CACNB2: variants seen among roughly 807,000 people sequenced by gnomAD.
CACNB2 encodes the protein calcium voltage-gated channel auxiliary subunit beta 2.
Under a neutral mutation model 73.3 loss-of-function variants are expected in CACNB2, and 42 were observed. That is an observed-to-expected ratio of 0.57 (90% CI 0.45 to 0.74). CACNB2 has a LOEUF of 0.74. CACNB2 is among the 30% of genes least tolerant of loss of function. The pLI is 0.00. For missense variants in CACNB2, 940 were observed against 853.0 expected (o/e 1.10, Z -1.27); for synonymous variants, 348 against 310.3 (o/e 1.12, Z -1.28).
intron 3 of CACNB2, among the ~76,000 whole-genome samples, chr10:18,422,047 C>T (rs140956628): frequency 2.0e-5 from 3 of 152,282 alleles, no homozygotes; most frequent in Admixed American, 2.0e-4. Context: ...CAGTGATTAG[C>T]GATTTTGATG....
At chr10:18,347,521 C>G (rs573653865) in intron 2 of CACNB2, among the ~76,000 whole-genome samples, 1 of 151,470 alleles carries the variant, frequency 6.6e-6, no homozygotes, top group African/African-American at 2.4e-5. Flanking sequence ...AGCACTGGCT[C>G]CTTAGTTTTT....
At position 18,233,834 on chromosome 10, in the gene CACNB2, C is replaced by T. The variant is rs371462890; in HGVS notation, c.213+82859C>T. The stretch of plus-strand genomic sequence containing the variant: ...TCCCAAGAGCTTATTTATCAACACA[C>T]GAATAGCCTCTTTTAGGAGGGTCAG... On this transcript the variant is annotated intron_variant, in intron 2 of 13. Coordinates refer to ENST00000324631, the MANE Select transcript of CACNB2 (RefSeq NM_201596.3). Among the ~76,000 whole-genome samples, 7 of 152,256 alleles carry T rather than the reference C, an allele frequency of 4.6e-5. No individual in the cohort carries two copies. In the East Asian group the frequency reaches 9.6e-4, roughly 21 times the overall value.
chr10:18,266,888 C>T (rs565213592), intron 2 of CACNB2, among the ~76,000 whole-genome samples: 58 of 152,050 alleles, frequency 3.8e-4, no homozygotes, highest in African/African-American at 1.4e-3. Context: ...GACTCTATCT[C>T]TAAATAAATA....
intron 3 of CACNB2, among the ~76,000 whole-genome samples, chr10:18,475,030 C>T (rs1308163604): frequency 6.7e-6 from 1 of 150,128 alleles, no homozygotes; most frequent in Non-Finnish European, 1.5e-5. Flanking sequence ...GCTAGAAGGG[C>T]TCATAAAACT....
chr10:18,142,187 A>G (rs1174979376), intron 1 of CACNB2, among the ~76,000 whole-genome samples: 1 of 152,220 alleles, frequency 6.6e-6, no homozygotes, highest in Non-Finnish European at 1.5e-5. Context: ...ACCATTGGGA[A>G]ATTAATGTGC....
At chr10:18,489,321 C>T (rs1006383363) in intron 3 of CACNB2, among the ~76,000 whole-genome samples, 1 of 128,240 alleles carries the variant, frequency 7.8e-6, no homozygotes, top group Admixed American at 9.6e-5. Flanking sequence ...ACCTGGGAGG[C>T]GGTGGTTGCA....
chr10:18,451,947 G>C (rs2047041875), intron 3 of CACNB2, among the ~76,000 whole-genome samples: 1 of 152,156 alleles, frequency 6.6e-6, no homozygotes, highest in African/African-American at 2.4e-5. Context: ...CATAACAGCT[G>C]TATAAATTCA....
chr10:18,214,626 C>CAAAA lies in CACNB2; in HGVS notation c.213+63677_213+63680dup, dbSNP rs751930257. 8.6e-4 allele frequency among the ~76,000 whole-genome samples: 13 copies of CAAAA among 15,104 alleles called. 1 individual carries two copies. Among genetic ancestry groups the CAAAA allele is most frequent in the African/African-American group, 1.4e-3 (13 of 9,248 alleles). The allele number at this position is 15,104 out of a possible 152,430, so 9.9% of individuals were successfully genotyped here. On this transcript the variant is annotated intron_variant, in intron 2 of 13. Transcript: ENST00000324631. ...TGGGCAATGGAGTGAGACTCCATCT[C>CAAAA]AAAAAAAAAAAAAAAAAAAAAAAAA...
rs187119940 is a variant in CACNB2, at chr10:18,191,122, C to G, written c.213+40147C>G. 1.8e-3 allele frequency among the ~76,000 whole-genome samples: 278 copies of G among 152,262 alleles called. 2 individuals are homozygous for G. Among genetic ancestry groups the G allele is most frequent in the Non-Finnish European group, 3.4e-4 (23 of 68,018 alleles). ...GAGAAGGAAAATAAATGGATTCAAA[C>G]AATATTAGGAGGAAGAAACAGACAG... On this transcript the variant is annotated intron_variant, in intron 2 of 13. Transcript: ENST00000324631.
At chr10:18,356,900 G>T (rs2041931033) in intron 2 of CACNB2, among the ~76,000 whole-genome samples, 2 of 150,420 alleles carry the variant, frequency 1.3e-5, no homozygotes, top group Non-Finnish European at 3.0e-5. Flanking sequence ...AAAGTGCTGG[G>T]ATTACAGGCT....
At chr10:18,327,303 A>G (rs1435908809) in intron 2 of CACNB2, among the ~76,000 whole-genome samples, 2 of 152,236 alleles carry the variant, frequency 1.3e-5, no homozygotes, top group Non-Finnish European at 2.9e-5. Flanking sequence ...TAATAAAAAT[A>G]ACATGATTTT....
At chr10:18,193,433 C>A (rs1004580528) in intron 2 of CACNB2, among the ~76,000 whole-genome samples, 1 of 152,106 alleles carries the variant, frequency 6.6e-6, no homozygotes, top group Non-Finnish European at 1.5e-5. Context: ...TTAGGCCATT[C>A]CTGGTTTCCA....
At chr10:18,171,586 TTAA>T (rs2033248657) in intron 2 of CACNB2, among the ~76,000 whole-genome samples, 2 of 99,610 alleles carry the variant, frequency 2.0e-5, no homozygotes. Context: ...TAATTCCAGT[TTAA>T]AAAAAAAAAA....
intron 3 of CACNB2, among the ~76,000 whole-genome samples, chr10:18,487,510 G>C (rs2049126410): frequency 6.6e-6 from 1 of 152,126 alleles, no homozygotes; most frequent in Admixed American, 6.6e-5. Context: ...GTGAAACCAG[G>C]TGGTTGGTCT....
chr10:18,428,413 A>C (rs1030367882), intron 3 of CACNB2, among the ~76,000 whole-genome samples: 1 of 152,164 alleles, frequency 6.6e-6, no homozygotes, highest in African/African-American at 2.4e-5. Context: ...CTGGCCAGGC[A>C]TGGTGGCTCA....
chr10:18,537,880 A>G (rs1358386198), intron 12 of CACNB2, among the ~76,000 whole-genome samples: 1 of 152,182 alleles, frequency 6.6e-6, no homozygotes, highest in Non-Finnish European at 1.5e-5. Flanking sequence ...CTTTTCTACC[A>G]TAGTATCTAT....
chr10:18,260,989 C>T, intron 2 of CACNB2: 1 of 1,372,388 alleles, frequency 7.3e-7, no homozygotes, highest in Non-Finnish European at 9.4e-7. Context: ...ATTAATGCTA[C>T]TTCTTGTAGA....
intron 3 of CACNB2, among the ~76,000 whole-genome samples, chr10:18,408,353 C>T (rs539277651): frequency 6.6e-6 from 1 of 151,252 alleles, no homozygotes; most frequent in African/African-American, 2.4e-5. Context: ...ATTCTCCTGC[C>T]TCAGCCTCCC....
intron 2 of CACNB2, among the ~76,000 whole-genome samples, chr10:18,395,428 T>C (rs931957168): frequency 2.0e-5 from 3 of 152,182 alleles, no homozygotes; most frequent in Non-Finnish European, 4.4e-5. Flanking sequence ...TCATAGCCGT[T>C]ATTTTTCTGG....
Sources: allele counts gnomAD v4.1 joint callset (sites outside exome capture counted in the v4.1 genomes callset), GRCh38; gene constraint gnomAD v4.1.1; transcripts MANE v1.5; gene names NCBI Gene and HGNC (gene_info 2026-07-23, HGNC 2026-07-21).